NAV3: variants seen among roughly 807,000 people sequenced by gnomAD.
The protein encoded by NAV3 is neuron navigator 3, also known as pore membrane and/or filament interacting like protein 1.
NAV3 carries 87 observed loss-of-function variants against 244.7 expected under a neutral mutation model. That is an observed-to-expected ratio of 0.36 (90% CI 0.30 to 0.42). The LOEUF is 0.42. Ranked by LOEUF, NAV3 falls within the 20% of genes least tolerant of loss-of-function variation. The pLI is 1.00. For synonymous variants in NAV3, 1,126 were observed against 1,042.2 expected (o/e 1.08, Z -1.55); for missense variants, 2,663 against 2,893.3 (o/e 0.92, Z 1.83).
intron 1 of NAV3, among the ~76,000 whole-genome samples, chr12:77,862,962 G>A (rs1164450551): frequency 2.7e-5 from 4 of 149,678 alleles, no homozygotes; most frequent in Admixed American, 6.7e-5. Context: ...GTTCCATTTC[G>A]TTATTTCTAT....
At chr12:77,572,659 A>G (rs1212462199) in intron 2 of NAV3, among the ~76,000 whole-genome samples, 1 of 152,172 alleles carries the variant, frequency 6.6e-6, no homozygotes, top group Non-Finnish European at 1.5e-5. Context: ...ATTAGAAAGC[A>G]TAAGTGGCAT....
chr12:77,993,879 C>T (rs973251565), intron 5 of NAV3, among the ~76,000 whole-genome samples: 5 of 152,142 alleles, frequency 3.3e-5, no homozygotes, highest in African/African-American at 9.7e-5. Flanking sequence ...ATCTGAGAAG[C>T]GATTCTCCAC....
At chr12:77,855,820 C>T (rs1015151142) in intron 1 of NAV3, among the ~76,000 whole-genome samples, 9 of 152,306 alleles carry the variant, frequency 5.9e-5, no homozygotes, top group African/African-American at 2.2e-4. Flanking sequence ...ATTGCAGATA[C>T]GTGAGTGAGC....
chr12:78,133,573 A>G (rs1593725757), intron 18 of NAV3, among the ~76,000 whole-genome samples: 1 of 151,822 alleles, frequency 6.6e-6, no homozygotes, highest in East Asian at 1.9e-4. Flanking sequence ...AAAATGTGTT[A>G]ATATATAAAA....
At chr12:78,087,077 T>C (rs1289346956) in intron 12 of NAV3, among the ~76,000 whole-genome samples, 1 of 152,044 alleles carries the variant, frequency 6.6e-6, no homozygotes, top group Non-Finnish European at 1.5e-5. Flanking sequence ...TAAGCATCAC[T>C]AGGCATTTGT....
intron 1 of NAV3, among the ~76,000 whole-genome samples, chr12:77,873,679 G>GTGTGTATA (rs540390004): frequency 0.067 from 7,159 of 106,634 alleles, 508 homozygotes; most frequent in Middle Eastern, 0.12. Flanking sequence ...ATTTGTATGT[G>GTGTGTATA]TATATATATA....
At chr12:77,741,202 C>A in intron 2 of NAV3, among the ~76,000 whole-genome samples, 2 of 134,960 alleles carry the variant, frequency 1.5e-5, no homozygotes, top group Non-Finnish European at 1.6e-5. Flanking sequence ...ATCCAGTTGG[C>A]AAAGATAGAG....
intron 12 of NAV3, among the ~76,000 whole-genome samples, chr12:78,083,960 T>G (rs1010548861): frequency 2.0e-5 from 3 of 152,222 alleles, no homozygotes; most frequent in South Asian, 2.1e-4. Context: ...TTTTGCTTAT[T>G]TGACTAGAAA....
intron 12 of NAV3, among the ~76,000 whole-genome samples, chr12:78,078,481 C>T (rs1411350247): frequency 1.4e-5 from 2 of 143,338 alleles, no homozygotes; most frequent in Non-Finnish European, 3.0e-5. Flanking sequence ...CCGCAAGCTC[C>T]GCCTCCCGGG....
At chr12:78,128,970 A>T in intron 18 of NAV3, 104 bp downstream of exon 18, 1 of 1,074,000 alleles carries the variant, frequency 9.3e-7, no homozygotes. Flanking sequence ...ATTTAAAGGG[A>T]GGGATAAAAG....
intron 2 of NAV3, among the ~76,000 whole-genome samples, chr12:77,699,635 G>T (rs1237870350): frequency 6.6e-6 from 1 of 151,966 alleles, no homozygotes; most frequent in Non-Finnish European, 1.5e-5. Context: ...TTCAGGCTGG[G>T]CTCATCTGGA....
chr12:78,006,506 T>C lies in NAV3; in HGVS notation c.968T>C (p.Ile323Thr). The change falls in exon 8 of 40, where the codon ATC becomes ACC. Residue 323 changes from isoleucine to threonine, a missense_variant. Physicochemically the swap from Ile to Thr is moderately conservative, Grantham distance 89 (BLOSUM62 -1). Transcript: ENST00000397909. Reference sequence around the variant, plus strand: ...GCTGGGCAGCCTCCTGCCTCTGCCATCCCTTCTCCAAGTGCCAGCAAGCCC... The same window carrying C: ...GCTGGGCAGCCTCCTGCCTCTGCCACCCCTTCTCCAAGTGCCAGCAAGCCC... Reference protein sequence around the residue: ...STAGQPPASAIPSPSASKPWR... With the variant: ...STAGQPPASATPSPSASKPWR... 3 of 1,614,064 alleles carry C rather than the reference T, an allele frequency of 1.9e-6. No individual in the cohort carries two copies. The highest frequency in any genetic ancestry group is 2.5e-6 in the Non-Finnish European group (3 of 1,180,014).
chr12:77,979,786 T>C (rs1205064041), intron 5 of NAV3, among the ~76,000 whole-genome samples: 1 of 151,980 alleles, frequency 6.6e-6, no homozygotes, highest in Non-Finnish European at 1.5e-5. Flanking sequence ...AGAGATGTTT[T>C]GTGACCCCAG....
chr12:77,673,984 C>T (rs1695550916), intron 2 of NAV3, among the ~76,000 whole-genome samples: 1 of 152,086 alleles, frequency 6.6e-6, no homozygotes, highest in South Asian at 2.1e-4. Context: ...CCTGAATTCT[C>T]ATTACCTAAT....
chr12:78,137,860 A>C (rs1050824344), intron 19 of NAV3, among the ~76,000 whole-genome samples: 4 of 152,150 alleles, frequency 2.6e-5, no homozygotes, highest in Non-Finnish European at 5.9e-5. Context: ...TTCTTCATCC[A>C]ATGGCAATAA....
chr12:77,706,964 T>C (rs888769226), intron 2 of NAV3, among the ~76,000 whole-genome samples: 4 of 151,530 alleles, frequency 2.6e-5, no homozygotes, highest in Non-Finnish European at 5.9e-5. Context: ...TCCGTGCATA[T>C]TTCACCTGCT....
At chr12:77,704,210 ATAGT>A (rs1206758411) in intron 2 of NAV3, among the ~76,000 whole-genome samples, 8 of 152,160 alleles carry the variant, frequency 5.3e-5, no homozygotes, top group African/African-American at 1.7e-4. Flanking sequence ...AGTTTTAATA[ATAGT>A]TAAAGTTATT....
intron 2 of NAV3, among the ~76,000 whole-genome samples, chr12:77,805,430 G>A (rs1197259433): frequency 6.6e-6 from 1 of 152,104 alleles, no homozygotes; most frequent in Non-Finnish European, 1.5e-5. Flanking sequence ...ATAATCATGT[G>A]GTTTTTGTCA....
intron 2 of NAV3, among the ~76,000 whole-genome samples, chr12:77,654,336 G>A (rs1447055942): frequency 3.3e-5 from 5 of 152,232 alleles, no homozygotes; most frequent in Non-Finnish European, 7.3e-5. Flanking sequence ...CTACGCCTAC[G>A]GAGTCTCGCT....
Sources: allele counts gnomAD v4.1 joint callset (sites outside exome capture counted in the v4.1 genomes callset), GRCh38; gene constraint gnomAD v4.1.1; transcripts MANE v1.5; gene names NCBI Gene and HGNC (gene_info 2026-07-23, HGNC 2026-07-21).